CTNNA3: variants seen among roughly 807,000 people sequenced by gnomAD.
The protein encoded by CTNNA3 is catenin alpha-3.
Under a neutral mutation model 95.7 loss-of-function variants are expected in CTNNA3, and 76 were observed. That is an observed-to-expected ratio of 0.79 (90% CI 0.66 to 0.96). The LOEUF is 0.96. Among genes scored for constraint, CTNNA3 ranks in the 40% least tolerant of loss-of-function variants. The probability of loss-of-function intolerance (pLI) is 0.00; values close to 1 mark genes in which losing one functional copy is unlikely to be tolerated. For synonymous variants in CTNNA3, 431 were observed against 374.4 expected (o/e 1.15, Z -1.74); for missense variants, 1,191 against 1,089.8 (o/e 1.09, Z -1.31).
intron 13 of CTNNA3, among the ~76,000 whole-genome samples, chr10:66,218,291 T>A (rs2088684545): frequency 6.6e-6 from 1 of 152,076 alleles, no homozygotes; most frequent in Non-Finnish European, 1.5e-5. Flanking sequence ...CCTTGTGTAA[T>A]CCCCTCCCAC....
At chr10:67,085,555 A>T (rs1386226911) in intron 7 of CTNNA3, among the ~76,000 whole-genome samples, 1 of 152,022 alleles carries the variant, frequency 6.6e-6, no homozygotes, top group South Asian at 2.1e-4. Context: ...TTATTAAAAT[A>T]TCAACAAGAA....
At chr10:66,165,855 G>C (rs2085100765) in intron 13 of CTNNA3, among the ~76,000 whole-genome samples, 1 of 151,888 alleles carries the variant, frequency 6.6e-6, no homozygotes, top group African/African-American at 2.4e-5. Flanking sequence ...TGCAACCTTT[G>C]CCTCCCAGGT....
intron 10 of CTNNA3, among the ~76,000 whole-genome samples, chr10:66,555,309 C>G (rs1047399762): frequency 1.3e-5 from 2 of 152,068 alleles, no homozygotes; most frequent in African/African-American, 4.8e-5. Flanking sequence ...TTCATCCTCT[C>G]AACTGCTTCT....
Position 66,870,437 on chromosome 10 carries a change from C to T in CTNNA3, c.1048-94913G>A, listed in dbSNP as rs75671766. On this transcript the variant is annotated intron_variant, in intron 7 of 17. Coordinates refer to ENST00000433211, the MANE Select transcript of CTNNA3 (RefSeq NM_013266.4). ...ACACAATCTAATATAATTCAATTTC[C>T]TTTGTCCTATGAGAAAAACAAATAA... 8.6e-3 allele frequency among the ~76,000 whole-genome samples: 1,303 copies of T among 152,206 alleles called. 18 individuals carry two copies. The highest frequency in any genetic ancestry group is 0.03 in the African/African-American group (1,225 of 41,518).
chr10:66,061,118 T>C (rs1402722608), intron 15 of CTNNA3, among the ~76,000 whole-genome samples: 1 of 152,116 alleles, frequency 6.6e-6, no homozygotes, highest in Non-Finnish European at 1.5e-5. Context: ...TATGTGACTG[T>C]AGGAATGGCC....
chr10:66,017,366 G>C (rs1233104220), intron 15 of CTNNA3, among the ~76,000 whole-genome samples: 1 of 152,010 alleles, frequency 6.6e-6, no homozygotes, highest in South Asian at 2.1e-4. Flanking sequence ...TGATGGACAG[G>C]TTCCAAGTAA....
intron 11 of CTNNA3, among the ~76,000 whole-genome samples, chr10:66,440,145 T>C (rs1309873945): frequency 6.6e-6 from 1 of 152,174 alleles, no homozygotes; most frequent in African/African-American, 2.4e-5. Context: ...CTTTTGCAAT[T>C]ATATCTCCAC....
In CTNNA3 at chr10:66,320,968, T is replaced by G. The variant is rs1213294871; in HGVS notation, c.1733-40347A>C. On this transcript the variant is annotated intron_variant, in intron 12 of 17. Transcript: ENST00000433211. ...TGTTTACATTATTATTATTAAGACA[T>G]CAAACATGCAATTAAATAACTCTCT... Among the ~76,000 whole-genome samples the G allele has an allele frequency of 3.3e-5, 5 of 152,072 alleles. 1 individual carries two copies. Among genetic ancestry groups the G allele is most frequent in the African/African-American group, 1.2e-4 (5 of 41,446 alleles).
At chr10:66,332,107 C>A (rs1172920210) in intron 12 of CTNNA3, among the ~76,000 whole-genome samples, 1 of 152,034 alleles carries the variant, frequency 6.6e-6, no homozygotes, top group East Asian at 1.9e-4. Context: ...TATCCTGAGA[C>A]TTTGCTGAAG....
chr10:66,232,525 T>C (rs1055193027), intron 13 of CTNNA3, among the ~76,000 whole-genome samples: 8 of 152,138 alleles, frequency 5.3e-5, no homozygotes, highest in Admixed American at 3.9e-4. Context: ...TTCAATGCAA[T>C]GTACATAAAA....
chr10:66,765,648 A>G (rs954628215), intron 9 of CTNNA3, among the ~76,000 whole-genome samples: 4 of 152,098 alleles, frequency 2.6e-5, no homozygotes, highest in Non-Finnish European at 5.9e-5. Context: ...AAGTTCTATT[A>G]TCTCTCTCCT....
At chr10:67,519,456 G>C (rs1416387068) in intron 5 of CTNNA3, among the ~76,000 whole-genome samples, 4 of 152,148 alleles carry the variant, frequency 2.6e-5, no homozygotes. Context: ...TCAGCCCTTG[G>C]TATCCAGGAA....
intron 14 of CTNNA3, among the ~76,000 whole-genome samples, chr10:66,086,824 T>C (rs2081003287): frequency 6.6e-6 from 1 of 152,046 alleles, no homozygotes; most frequent in African/African-American, 2.4e-5. Context: ...ATGTGAGAGG[T>C]GTGCGCTACT....
intron 7 of CTNNA3, among the ~76,000 whole-genome samples, chr10:66,876,036 A>AGT (rs1365392106): frequency 6.6e-6 from 1 of 152,194 alleles, no homozygotes; most frequent in Non-Finnish European, 1.5e-5. Flanking sequence ...CCATGCCCTC[A>AGT]GTCTCTTAAG....
At chr10:66,565,134 T>C (rs1213639987) in intron 10 of CTNNA3, among the ~76,000 whole-genome samples, 1 of 152,104 alleles carries the variant, frequency 6.6e-6, no homozygotes, top group African/African-American at 2.4e-5. Context: ...AATGACATTG[T>C]AAAAAAGAAA....
chr10:67,067,217 ATTT>A (rs1025258903), intron 7 of CTNNA3, among the ~76,000 whole-genome samples: 4 of 152,180 alleles, frequency 2.6e-5, no homozygotes, highest in African/African-American at 4.8e-5. Context: ...AAGTGAAACA[ATTT>A]TTAAGTATGT....
At chr10:67,494,464 AAGAGT>A (rs1401183876) in intron 5 of CTNNA3, among the ~76,000 whole-genome samples, 2 of 152,216 alleles carry the variant, frequency 1.3e-5, no homozygotes, top group African/African-American at 4.8e-5. Context: ...ACCATAACAC[AAGAGT>A]ACATTATAGA....
In CTNNA3 at chr10:65,942,808, A is replaced by T. The variant is rs1269235955; in HGVS notation, c.2401-22191T>A. Among the ~76,000 whole-genome samples the T allele has an allele frequency of 1.4e-4, 16 of 110,612 alleles. No individual in the cohort carries two copies. In the Admixed American group the frequency reaches 1.6e-3, roughly 11 times the overall value. 72.6% of individuals were successfully genotyped at this position (110,612 alleles called of 152,430 possible). On this transcript the variant is annotated intron_variant, in intron 17 of 17. Transcript: ENST00000433211. ...TGGTTAGGAGTACAGGCTCTGGAAT[A>T]AAAAAACCTAGATTTAAATCTGGAT...
At chr10:66,685,321 GTGTGTATATATATATA>G (rs1847241217) in intron 9 of CTNNA3, among the ~76,000 whole-genome samples, 2 of 21,972 alleles carry the variant, frequency 9.1e-5, no homozygotes, top group South Asian at 3.4e-3. Context: ...GTGTGTGTAT[GTGTGTATATATATATA>G]TATATATATA....
Sources: gnomAD v4.1 joint callset for allele counts (sites outside exome capture counted in the v4.1 genomes callset) on GRCh38, gnomAD v4.1.1 for gene constraint, MANE v1.5 for transcripts, NCBI Gene and HGNC (gene_info 2026-07-23, HGNC 2026-07-21) for gene names.